The following CSF1R variants were observed in gnomAD, a reference collection of about 807,000 sequenced individuals.
The protein encoded by CSF1R is macrophage colony-stimulating factor 1 receptor.
In CSF1R, 40 loss-of-function variants were observed where a neutral mutation model predicts 110.0. The ratio of observed to expected loss-of-function variants is 0.36; its 90% CI spans 0.28 to 0.47. The LOEUF is 0.47. Ranked by LOEUF, CSF1R falls within the 20% of genes least tolerant of loss-of-function variation. CSF1R has a pLI of 0.99. For missense variants in CSF1R, 1,052 were observed against 1,253.0 expected (o/e 0.84, Z 2.42); for synonymous variants, 523 against 503.4 (o/e 1.04, Z -0.52).
chr5:150,078,279 C>T, intron 3 of CSF1R, 31 bp from the exon 4 acceptor site: 1 of 1,612,728 alleles, frequency 6.2e-7, no homozygotes, highest in Non-Finnish European at 8.5e-7. Flanking sequence ...CCTGAACACC[C>T]AGGCTCCCTG....
chr5:150,058,844 C>G (rs1757370145), intron 14 of CSF1R, among the ~76,000 whole-genome samples: 1 of 152,090 alleles, frequency 6.6e-6, no homozygotes, highest in African/African-American at 2.4e-5. Context: ...ACAGAGACCT[C>G]CAGGACAGCA....
chr5:150,094,538 C>A (rs1342365486), intron 1 of CSF1R: 8 of 1,598,020 alleles, frequency 5.0e-6, no homozygotes, highest in Non-Finnish European at 6.8e-6. Context: ...GAAAAGCTGG[C>A]AACTTCTATG....
At chr5:150,064,468 C>T (rs774978023) in intron 10 of CSF1R, among the ~76,000 whole-genome samples, 6 of 152,116 alleles carry the variant, frequency 3.9e-5, no homozygotes, top group Admixed American at 6.5e-5. Flanking sequence ...AGAGCCTCTG[C>T]GTTATAGCTT....
chr5:150,064,007 G>A (rs146981575), intron 10 of CSF1R, among the ~76,000 whole-genome samples: 6 of 152,348 alleles, frequency 3.9e-5, no homozygotes, highest in South Asian at 2.1e-4. Flanking sequence ...TTGCAGCAAC[G>A]TGGTGCAGCT....
chr5:150,058,245 G>A (rs1397810506), intron 14 of CSF1R: 3 of 456,202 alleles, frequency 6.6e-6, no homozygotes, highest in East Asian at 6.9e-5. Context: ...CTGAGGTGGT[G>A]CACTTCCAAC....
Position 150,068,350 on chromosome 5 carries a change from G to A in CSF1R, c.1511-20C>T. 1 of 1,596,858 alleles carries A rather than the reference G, an allele frequency of 6.3e-7. No individual in the cohort carries two copies. The highest frequency in any genetic ancestry group is 8.6e-7 in the Non-Finnish European group (1 of 1,166,826). On this transcript the variant is annotated intron_variant, in intron 9 of 20. Coordinates refer to ENST00000675795, the MANE Select transcript of CSF1R (RefSeq NM_001288705.3). Reference sequence around the variant, plus strand: ...GGGCTCCTGGAAGGCATGAAGCAAAGCAGTGAGCAGGCAGGGGTGCCTCCG... The same window carrying A: ...GGGCTCCTGGAAGGCATGAAGCAAAACAGTGAGCAGGCAGGGGTGCCTCCG...
upstream of CSF1R, among the ~76,000 whole-genome samples, chr5:150,088,683 G>A (rs527601161): frequency 1.6e-4 from 24 of 152,164 alleles, no homozygotes; most frequent in African/African-American, 5.1e-4. Flanking sequence ...ACAGGCATGC[G>A]CCACCATGCC....
upstream of CSF1R, among the ~76,000 whole-genome samples, chr5:150,088,750 T>C (rs1291400718): frequency 1.3e-5 from 2 of 152,186 alleles, no homozygotes; most frequent in Non-Finnish European, 2.9e-5. Flanking sequence ...GCCAGGCTAG[T>C]CTTGAACTCC....
At chr5:150,090,955 C>T (rs571680760), upstream of CSF1R, among the ~76,000 whole-genome samples, 155 of 152,298 alleles carry the variant, frequency 1.0e-3, no homozygotes, top group African/African-American at 3.6e-3. Context: ...TAAACATGCA[C>T]ATCTACTCCC....
rs748943575 is a variant in CSF1R at position 150,061,837 on chromosome 5, G to A, written c.1639C>T (p.Gln547Ter). ...LYKYKQKPKY[Q>*]VRWKIIESYE... ...CTCTCGATGATCTTCCAGCGGACCT[G>A]GTACTTGGGCTTCTGCAGAAGAGGA... The change falls in exon 11 of 21, where the codon CAG becomes TAG. Residue 547 changes from glutamine to a stop codon, truncating the protein, a stop_gained. Transcript: ENST00000675795. LOFTEE classifies it high-confidence loss of function. 1.2e-6 allele frequency: 2 copies of A among 1,614,066 alleles called. No homozygotes were observed. Among genetic ancestry groups the A allele is most frequent in the African/African-American group, 1.3e-5 (1 of 74,944 alleles).
rs771494804 is a variant in CSF1R at position 150,054,467 on chromosome 5, C to T, written c.2655-37G>A. On this transcript the variant is annotated intron_variant, in intron 19 of 20. Coordinates refer to ENST00000675795, the MANE Select transcript of CSF1R (RefSeq NM_001288705.3). Reference sequence around the variant, plus strand: ...GACAGAGGATGCCCATGGGCAGCTCCCTAGGGTCCAGGGGCCATTAACACA... The same window carrying T: ...GACAGAGGATGCCCATGGGCAGCTCTCTAGGGTCCAGGGGCCATTAACACA... 7 of 1,568,428 alleles carry T rather than the reference C, an allele frequency of 4.5e-6. No homozygotes were observed. In the African/African-American group the frequency reaches 5.4e-5, roughly 12 times the overall value.
rs1758356836 is a variant in CSF1R at position 150,078,149 on chromosome 5, A to G, written c.692T>C (p.Val231Ala). 1.2e-6 allele frequency: 2 copies of G among 1,613,906 alleles called. No individual in the cohort carries two copies. The change falls in exon 4 of 21, where the codon GTT becomes GCT. Residue 231 changes from valine (V) to alanine (A), a missense_variant. Around this residue, in one of 5 missense-constraint regions of CSF1R, gnomAD observed 693 missense variants for 735.4 expected, o/e 0.94. Coordinates refer to ENST00000675795, the MANE Select transcript of CSF1R (RefSeq NM_001288705.3). ...QIVCSASSVD[V>A]NFDVFLQHNN... is the part of the protein sequence containing the mutation. ...GTGTTGGAGGAAGACATCAAAGTTA[A>G]CATCAACGCTGCTGGCTGAGCACAC...
chr5:150,080,419 T>C, intron 2 of CSF1R, 83 bp from the exon 3 acceptor site: 1 of 1,507,986 alleles, frequency 6.6e-7, no homozygotes, highest in Non-Finnish European at 8.9e-7. Flanking sequence ...ACAAGGAAGC[T>C]CAGAGAGGCT....
chr5:150,080,870 G>T lies in CSF1R; in HGVS notation c.204C>A (p.Ile68=). Residue 68 remains isoleucine, a synonymous_variant, in exon 2 of 21, where the codon ATC becomes ATA. Transcript: ENST00000675795. ...GGAAGGTAGCGTTGTTGGTGCTGAG[G>T]ATGCTGCTGGAGCCATCAGAGTACA... The part of the protein sequence containing the change: ...WTLYSDGSSS[I]LSTNNATFQN... 6.2e-7 allele frequency: 1 copy of T among 1,614,142 alleles called. No individual in the cohort carries two copies. The highest frequency in any genetic ancestry group is 8.5e-7 in the Non-Finnish European group (1 of 1,180,012).
At chr5:150,102,215 C>T (rs7722898) in intron 1 of CSF1R, among the ~76,000 whole-genome samples, 30,966 of 152,022 alleles carry the variant, frequency 0.2, 3,786 homozygotes, top group Middle Eastern at 0.38. Flanking sequence ...TTAAATTGTT[C>T]CCCTAAGAAG....
chr5:150,109,057 CG>C (rs1436140856), intron 1 of CSF1R, among the ~76,000 whole-genome samples: 7 of 34,790 alleles, frequency 2.0e-4, no homozygotes, highest in Non-Finnish European at 2.8e-4. Context: ...AGGAGAAGCC[CG>C]CCCCCCCCCC....
At chr5:150,093,902 A>C (rs1002876024) in intron 1 of CSF1R, among the ~76,000 whole-genome samples, 2 of 152,120 alleles carry the variant, frequency 1.3e-5, no homozygotes, top group African/African-American at 4.8e-5. Flanking sequence ...TGTCTTTACT[A>C]AAAGTATAAA....
intron 4 of CSF1R, 56 bp from the exon 5 acceptor site, chr5:150,077,491 T>C: frequency 3.2e-6 from 5 of 1,551,766 alleles, no homozygotes; most frequent in Non-Finnish European, 4.4e-6. Context: ...ATTAGAAAGA[T>C]CTGGGTTCCA....
rs1266138363 is a variant in CSF1R, at chr5:150,094,454, T to C, written c.-180-7847A>G. ...GAAAGGCAAGGAGGAAGCTTATCTA[T>C]GAAAAAGCAAAGCACTATCACAAGG... On this transcript the variant is annotated intron_variant, in intron 1 of 21. Transcript: ENST00000286301. 3.8e-5 allele frequency: 61 copies of C among 1,598,170 alleles called. No homozygotes were observed. In the East Asian group the frequency reaches 1.0e-3, roughly 27 times the overall value.
Sources: gnomAD v4.1 joint callset for allele counts (sites outside exome capture counted in the v4.1 genomes callset) on GRCh38, gnomAD v4.1.1 for gene constraint, gnomAD v4.1.1 regional missense constraint, MANE v1.5 for transcripts, NCBI Gene and HGNC (gene_info 2026-07-23, HGNC 2026-07-21) for gene names.